VPS13B: variants seen among roughly 807,000 people sequenced by gnomAD.
VPS13B encodes the protein vacuolar protein sorting 13 homolog B.
A neutral mutation model predicts 426.4 loss-of-function variants in VPS13B; 285 were observed. That is an observed-to-expected ratio of 0.67 (90% confidence interval 0.61 to 0.74). VPS13B has a LOEUF of 0.74. VPS13B is among the 30% of genes least tolerant of loss of function. The pLI, the probability that VPS13B is intolerant of heterozygous loss-of-function variation, is 0.00. For synonymous variants in VPS13B, 1,676 were observed against 1,676.4 expected, an observed-to-expected ratio of 1.00 and a Z score of 0.01; for missense variants, 4,537 against 4,782.6, an observed-to-expected ratio of 0.95 and a Z score of 1.51.
intron 19 of VPS13B, 62 bp downstream of exon 19, chr8:99,275,316 G>A (rs1588199738): frequency 3.5e-6 from 5 of 1,418,238 alleles, no homozygotes; most frequent in African/African-American, 3.1e-5. Context: ...TTCCAGAAAG[G>A]CTTTTAAAAT....
At position 99,147,929 on chromosome 8, in the gene VPS13B, T is replaced by G; in HGVS notation, c.1932T>G (p.Thr644=). ...EYIPTRHTSV[T]LLKCTCTISM... ...TTCCTACTCGACATACAAGTGTTAC[T>G]CTCCTCAAATGTACCTGCACAATTT... Residue 644 remains threonine (T), a synonymous_variant, in exon 14 of 62, where the codon ACT becomes ACG. Coordinates refer to ENST00000357162, the MANE Select transcript of VPS13B (RefSeq NM_152564.5). The G allele has an allele frequency of 6.2e-7, 1 of 1,613,836 alleles. No homozygotes were observed. The highest frequency in any genetic ancestry group is 1.7e-5 in the Admixed American group (1 of 60,012).
At chr8:99,480,238 T>C (rs1056658521) in intron 24 of VPS13B, among the ~76,000 whole-genome samples, 3 of 152,194 alleles carry the variant, frequency 2.0e-5, no homozygotes, top group African/African-American at 7.2e-5. Flanking sequence ...CTTTCTTCTT[T>C]GAAAATAAAA....
intron 3 of VPS13B, among the ~76,000 whole-genome samples, chr8:99,039,677 G>A (rs1389917030): frequency 6.6e-6 from 1 of 151,578 alleles, no homozygotes; most frequent in Non-Finnish European, 1.5e-5. Context: ...TATTCTAAAT[G>A]TAACTTTAAT....
At chr8:99,852,767 A>G (rs1258464358) in intron 55 of VPS13B, among the ~76,000 whole-genome samples, 1 of 152,076 alleles carries the variant, frequency 6.6e-6, no homozygotes, top group Non-Finnish European at 1.5e-5. Context: ...TGTAGAGAGG[A>G]TCAGAAAAAT....
Position 99,699,807 on chromosome 8 carries a change from CT to C in VPS13B, c.6330del (p.Val2111PhefsTer7). On this transcript the variant is annotated frameshift_variant, in exon 36 of 62. Coordinates refer to ENST00000357162, the MANE Select transcript of VPS13B (RefSeq NM_152564.5). LOFTEE classifies it high-confidence loss of function. ...WRAVSCFQKISVQTTQIVISM... is the reference protein window; with the variant it reads ...WRAVSCFQKIXVQTTQIVISM... ...GCTGTTTCCTGCTTTCAAAAAATTT[CT>C]GTTCAAACTACTCAGATTGTGATCT... The C allele has an allele frequency of 6.2e-7, 1 of 1,613,860 alleles. No individual in the cohort carries two copies. Among genetic ancestry groups the C allele is most frequent in the Non-Finnish European group, 8.5e-7 (1 of 1,179,900 alleles).
At chr8:99,117,273 A>G (rs1412687715) in intron 7 of VPS13B, among the ~76,000 whole-genome samples, 1 of 152,316 alleles carries the variant, frequency 6.6e-6, no homozygotes, top group East Asian at 1.9e-4. Context: ...AGATGACTAT[A>G]ATAAAAAAAA....
At chr8:99,582,863 G>A (rs1826136892) in intron 33 of VPS13B, among the ~76,000 whole-genome samples, 1 of 152,142 alleles carries the variant, frequency 6.6e-6, no homozygotes, top group Non-Finnish European at 1.5e-5. Context: ...CACCGTGTTA[G>A]CCAGGATGGT....
chr8:99,721,540 T>G (rs1370934782), intron 39 of VPS13B, among the ~76,000 whole-genome samples: 1 of 151,946 alleles, frequency 6.6e-6, no homozygotes, highest in African/African-American at 2.4e-5. Context: ...TTCCCTAAGG[T>G]TTTGTGAAAG....
At chr8:99,711,502 G>T (rs1408853788) in intron 36 of VPS13B, among the ~76,000 whole-genome samples, 2 of 151,976 alleles carry the variant, frequency 1.3e-5, no homozygotes, top group African/African-American at 4.8e-5. Context: ...TGAGTTACGG[G>T]CAAATAAAAA....
In VPS13B at chr8:99,568,302, T is replaced by A. The variant is rs576141339; in HGVS notation, c.4950-7356T>A. Among the ~76,000 whole-genome samples the A allele has an allele frequency of 6.4e-3, 950 of 149,238 alleles. 3 individuals carry two copies. The highest frequency in any genetic ancestry group is 0.014 in the African/African-American group (553 of 39,560). ...TATTATTATTATTATTATTATTATT[T>A]TTTTTTGAGACGGAGTCTTGCTCTG... On this transcript the variant is annotated intron_variant, in intron 31 of 61. Transcript: ENST00000357162.
At chr8:99,287,135 G>C (rs1482143095) in intron 19 of VPS13B, among the ~76,000 whole-genome samples, 1 of 152,030 alleles carries the variant, frequency 6.6e-6, no homozygotes, top group Non-Finnish European at 1.5e-5. Context: ...TAACTTCTAA[G>C]TACTTTTTCT....
chr8:99,124,410 T>C (rs1287127578), intron 8 of VPS13B, among the ~76,000 whole-genome samples: 1 of 152,200 alleles, frequency 6.6e-6, no homozygotes, highest in Non-Finnish European at 1.5e-5. Context: ...AGCTATTTTA[T>C]TTCTAGGTAT....
At chr8:99,397,832 T>C (rs1814818891) in intron 21 of VPS13B, among the ~76,000 whole-genome samples, 1 of 152,200 alleles carries the variant, frequency 6.6e-6, no homozygotes, top group African/African-American at 2.4e-5. Flanking sequence ...GTACACCCCA[T>C]TTTGTTTATA....
chr8:99,835,844 T>G (rs1588765562), intron 54 of VPS13B, 106 bp downstream of exon 54: 7 of 1,152,554 alleles, frequency 6.1e-6, no homozygotes, highest in African/African-American at 1.5e-5. Flanking sequence ...CTGAACATCT[T>G]TTCTCTGTGT....
intron 21 of VPS13B, among the ~76,000 whole-genome samples, chr8:99,397,562 A>C (rs190541838): frequency 6.6e-6 from 1 of 152,210 alleles, no homozygotes; most frequent in African/African-American, 2.4e-5. Context: ...AAAATATCAG[A>C]CTACTCTAAA....
intron 19 of VPS13B, among the ~76,000 whole-genome samples, chr8:99,283,235 C>T (rs1819262039): frequency 6.6e-6 from 1 of 152,058 alleles, no homozygotes; most frequent in South Asian, 2.1e-4. Context: ...AGTAAGAATG[C>T]TTATATATTG....
chr8:99,154,444 A>G (rs1466899387), intron 14 of VPS13B, among the ~76,000 whole-genome samples: 1 of 151,998 alleles, frequency 6.6e-6, no homozygotes, highest in East Asian at 1.9e-4. Flanking sequence ...TTTGTTAGCC[A>G]TGTCTGGTCT....
chr8:99,333,705 T>C (rs767969640), intron 19 of VPS13B, among the ~76,000 whole-genome samples: 5 of 151,936 alleles, frequency 3.3e-5, no homozygotes, highest in Non-Finnish European at 7.4e-5. Context: ...TCTTAACCAC[T>C]GGCATCTACT....
chr8:99,531,643 A>G (rs1018987627), intron 30 of VPS13B, among the ~76,000 whole-genome samples: 2 of 152,020 alleles, frequency 1.3e-5, no homozygotes, highest in African/African-American at 2.4e-5. Flanking sequence ...AATTATGACT[A>G]TTTTCACATG....
Sources: allele counts gnomAD v4.1 joint callset (sites outside exome capture counted in the v4.1 genomes callset), GRCh38; gene constraint gnomAD v4.1.1; transcripts MANE v1.5; gene names NCBI Gene and HGNC (gene_info 2026-07-23, HGNC 2026-07-21).